Variants in ACBD6 observed in about 807,000 individuals in gnomAD.
The protein encoded by ACBD6 is acyl-CoA-binding domain-containing protein 6.
ACBD6 carries 28 observed loss-of-function variants against 37.2 expected under a neutral mutation model. The ratio of observed to expected loss-of-function variants is 0.75; its 90% confidence interval spans 0.56 to 1.03. The LOEUF is 1.03. Ranked by LOEUF, ACBD6 falls within the 50% of genes least tolerant of loss-of-function variation. The pLI is 0.00. For synonymous variants in ACBD6, 113 were observed against 126.8 expected (o/e 0.89, Z 0.73); for missense variants, 340 against 337.4 (o/e 1.01, Z -0.06).
intron 6 of ACBD6, among the ~76,000 whole-genome samples, chr1:180,377,839 C>T (rs1002786051): frequency 2.6e-5 from 4 of 151,792 alleles, no homozygotes; most frequent in South Asian, 2.1e-4. Flanking sequence ...CCCAGCTACT[C>T]GGGAGGCCAA....
At chr1:180,327,473 C>T (rs1202079213) in intron 6 of ACBD6, among the ~76,000 whole-genome samples, 6 of 152,172 alleles carry the variant, frequency 3.9e-5, no homozygotes, top group Non-Finnish European at 5.9e-5. Context: ...GAAGTTAAAA[C>T]CAGGTACTGT....
At chr1:180,272,406 C>T (rs1226348382) in intron 13 of ACBD6, among the ~76,000 whole-genome samples, 2 of 152,194 alleles carry the variant, frequency 1.3e-5, no homozygotes, top group East Asian at 3.9e-4. Flanking sequence ...CCCCTAGAGC[C>T]ACCCCTTCCT....
intron 6 of ACBD6, among the ~76,000 whole-genome samples, chr1:180,319,769 C>A (rs1650982440): frequency 6.6e-6 from 1 of 152,174 alleles, no homozygotes; most frequent in South Asian, 2.1e-4. Context: ...TTTGTCTGTG[C>A]ATGGCTTATT....
At chr1:180,463,438 T>C (rs1022087279) in intron 3 of ACBD6, among the ~76,000 whole-genome samples, 3 of 151,970 alleles carry the variant, frequency 2.0e-5, no homozygotes, top group Admixed American at 1.3e-4. Flanking sequence ...TCTATGCATA[T>C]AAACTAAAAA....
chr1:180,411,053 G>A (rs889700326), intron 5 of ACBD6, among the ~76,000 whole-genome samples: 6 of 152,196 alleles, frequency 3.9e-5, no homozygotes, highest in Admixed American at 3.9e-4. Context: ...CAAGACTTCA[G>A]TGGAAAAGTT....
intron 3 of ACBD6, among the ~76,000 whole-genome samples, chr1:180,482,859 T>A (rs1651106658): frequency 6.6e-6 from 1 of 152,126 alleles, no homozygotes; most frequent in African/African-American, 2.4e-5. Context: ...GGACTGAAAG[T>A]GTGTGAGTGT....
At chr1:180,285,241 A>G (rs574208425), downstream of ACBD6, among the ~76,000 whole-genome samples, 4 of 152,224 alleles carry the variant, frequency 2.6e-5, no homozygotes, top group Non-Finnish European at 4.4e-5. Flanking sequence ...CTAAGAAAAA[A>G]TGCTGGCAAC....
intron 3 of ACBD6, among the ~76,000 whole-genome samples, chr1:180,434,466 G>A (rs1224764376): frequency 6.6e-6 from 1 of 152,178 alleles, no homozygotes; most frequent in Non-Finnish European, 1.5e-5. Context: ...GAGATCTGAA[G>A]AATCTTTTAA....
chr1:180,384,328 T>TA (rs895877710), intron 6 of ACBD6, among the ~76,000 whole-genome samples: 2 of 151,994 alleles, frequency 1.3e-5, no homozygotes, highest in South Asian at 4.1e-4. Flanking sequence ...ATAATCCTAT[T>TA]AAAAAATGAG....
chr1:180,278,861 C>CTTA (rs1649205996), intron 9 of ACBD6: 1 of 152,102 alleles, frequency 6.6e-6, no homozygotes, highest in African/African-American at 2.4e-5. Flanking sequence ...CCCACCCATC[C>CTTA]TTATTTATTG....
intron 1 of ACBD6, among the ~76,000 whole-genome samples, chr1:180,498,385 T>C (rs537324578): frequency 2.6e-5 from 4 of 152,208 alleles, no homozygotes; most frequent in Non-Finnish European, 5.9e-5. Flanking sequence ...TAATTATCTG[T>C]GAGTTGTTCT....
Position 180,495,448 on chromosome 1 carries a change from A to T in ACBD6, c.287+13T>A, listed in dbSNP as rs769237721. On this transcript the variant is annotated intron_variant, in intron 2 of 7. Transcript: ENST00000367595. ...TTCCAACAACCTCATTAAAGATTCCAGGAATTTCTTACCATTTTTGCTTTC... is the reference window on the plus strand; with the variant it reads ...TTCCAACAACCTCATTAAAGATTCCTGGAATTTCTTACCATTTTTGCTTTC... 1 of 1,583,994 alleles carries T rather than the reference A, an allele frequency of 6.3e-7. No homozygotes were observed. Among genetic ancestry groups the T allele is most frequent in the East Asian group, 2.2e-5 (1 of 44,618 alleles).
chr1:180,502,445 G>GGCGT lies in ACBD6; in HGVS notation c.-183_-180dup. 1 of 697,166 alleles carries GGCGT rather than the reference G, an allele frequency of 1.4e-6. No homozygotes were observed. 43.2% of individuals were successfully genotyped at this position (697,166 alleles called of 1,614,324 possible). The stretch of plus-strand genomic sequence containing the variant: ...GCTCCCTGCCCACTTCTACTCCCTG[G>GGCGT]GCGTGCAGAGCAGGCTCCTCGACCC... On this transcript the variant is annotated 5_prime_UTR_variant, in exon 1 of 8. Coordinates refer to ENST00000367595, the MANE Select transcript of ACBD6 (RefSeq NM_032360.4).
chr1:180,496,009 T>C (rs1390036269), intron 1 of ACBD6, among the ~76,000 whole-genome samples: 2 of 152,176 alleles, frequency 1.3e-5, no homozygotes, highest in Non-Finnish European at 2.9e-5. Flanking sequence ...GTACTACTTT[T>C]AAAGTACCCT....
chr1:180,478,899 AGGAG>A (rs1367881935), intron 3 of ACBD6, among the ~76,000 whole-genome samples: 1 of 152,164 alleles, frequency 6.6e-6, no homozygotes, highest in Non-Finnish European at 1.5e-5. Flanking sequence ...AGGCCAAGGC[AGGAG>A]GATCACTTGA....
chr1:180,274,672 C>A, exon 10 of ACBD6: 2 of 1,380,412 alleles, frequency 1.4e-6, no homozygotes, highest in Non-Finnish European at 2.0e-6. Flanking sequence ...CGAAAGTACG[C>A]CAATGTGAAT....
intron 6 of ACBD6, among the ~76,000 whole-genome samples, chr1:180,318,388 G>A (rs1558247293): frequency 6.6e-6 from 1 of 151,992 alleles, no homozygotes; most frequent in Non-Finnish European, 1.5e-5. Flanking sequence ...TGAGGGAGGG[G>A]AAGCAGAGTG....
rs569076688 is a variant in ACBD6 at position 180,473,218 on chromosome 1, C to A, written c.384+19051G>T. Among the ~76,000 whole-genome samples the A allele has an allele frequency of 1.4e-4, 21 of 152,086 alleles. No individual in the cohort carries two copies. In the East Asian group the frequency reaches 2.9e-3, roughly 21 times the overall value. On this transcript the variant is annotated intron_variant, in intron 3 of 7. Coordinates refer to ENST00000367595, the MANE Select transcript of ACBD6 (RefSeq NM_032360.4). Reference sequence around the variant, plus strand: ...ATCCCAGCACTTTGGGAGGCCGAGGCGGGCGGATCACGAGGTCAGGAGATC... The same window carrying A: ...ATCCCAGCACTTTGGGAGGCCGAGGAGGGCGGATCACGAGGTCAGGAGATC...
At chr1:180,360,038 CATAG>C (rs1032685932) in intron 6 of ACBD6, among the ~76,000 whole-genome samples, 4 of 152,206 alleles carry the variant, frequency 2.6e-5, no homozygotes, top group South Asian at 2.1e-4. Context: ...TGGGTTTTTA[CATAG>C]ATAAAGGCAG....
Sources: gnomAD v4.1 joint callset for allele counts (sites outside exome capture counted in the v4.1 genomes callset) on GRCh38, gnomAD v4.1.1 for gene constraint, MANE v1.5 for transcripts, NCBI Gene and HGNC (gene_info 2026-07-23, HGNC 2026-07-21) for gene names.